TMEM145: variants seen among roughly 807,000 people sequenced by gnomAD.
TMEM145 encodes the protein transmembrane protein 145.
Under a neutral mutation model 68.5 loss-of-function variants are expected in TMEM145, and 46 were observed. That is an observed-to-expected ratio of 0.67 (90% confidence interval 0.53 to 0.86). The LOEUF (loss-of-function observed/expected upper bound fraction) is 0.86, where lower values mean the gene tolerates loss of function less well. Ranked by LOEUF, TMEM145 falls within the 40% of genes least tolerant of loss-of-function variation. TMEM145 has a pLI of 0.00. For missense variants in TMEM145, 570 were observed against 645.8 expected (o/e 0.88, Z 1.27); for synonymous variants, 255 against 280.2 (o/e 0.91, Z 0.90).
At chr19:42,318,475 C>T (rs2038881525) in intron 12 of TMEM145, among the ~76,000 whole-genome samples, 1 of 151,168 alleles carries the variant, frequency 6.6e-6, no homozygotes, top group African/African-American at 2.4e-5. Context: ...CACCTGAGGT[C>T]AGGAGTTCGA....
At chr19:42,316,609 TG>T (rs1280916431) in intron 9 of TMEM145, 48 bp downstream of exon 9, 1 of 1,613,406 alleles carries the variant, frequency 6.2e-7, no homozygotes, top group Non-Finnish European at 8.5e-7. Flanking sequence ...GGGCTCAGGT[TG>T]GGCATCAGGT....
rs751810337 is a variant in TMEM145 at position 42,314,279 on chromosome 19, T to A, written c.128T>A (p.Val43Glu). 55 of 1,613,740 alleles carry A rather than the reference T, an allele frequency of 3.4e-5. No homozygotes were observed. Among genetic ancestry groups the A allele is most frequent in the Non-Finnish European group, 4.4e-5 (52 of 1,179,964 alleles). The change falls in exon 2 of 15, where the codon GTG becomes GAG. Residue 43 changes from valine to glutamate, a missense_variant. Val to Glu is a moderately radical substitution (Grantham distance 121). Coordinates refer to ENST00000301204, the MANE Select transcript of TMEM145 (RefSeq NM_173633.3). ...RGNLSSKEDW[V>E]FLTRFCFLSD... Reference sequence around the variant, plus strand: ...ACTGGGCCCCTTTTTCAGGACTGGGTGTTCCTGACAAGATTTTGTTTCCTC... The same window carrying A: ...ACTGGGCCCCTTTTTCAGGACTGGGAGTTCCTGACAAGATTTTGTTTCCTC...
rs1568546199 is a variant in TMEM145 at position 42,314,521 on chromosome 19, G to C, written c.266G>C (p.Gly89Ala). Residue 89 changes from glycine (G) to alanine (A), a missense_variant, in exon 3 of 15, where the codon GGG becomes GCG. Transcript: ENST00000301204. ...CAGTGGCCAGCCGTGTACAAGGCAGGGGACAAGGTGAGGGCTGTGAAGAGG... is the reference window on the plus strand; with the variant it reads ...CAGTGGCCAGCCGTGTACAAGGCAGCGGACAAGGTGAGGGCTGTGAAGAGG... ...PSQWPAVYKA[G>A]DKDCLAKESV... 2 of 1,614,192 alleles carry C rather than the reference G, an allele frequency of 1.2e-6. No homozygotes were observed. The highest frequency in any genetic ancestry group is 1.7e-6 in the Non-Finnish European group (2 of 1,180,030).
In TMEM145 at chr19:42,324,771, C is replaced by T. The variant is rs767854618; in HGVS notation, c.1436C>T (p.Pro479Leu). ...LPRAAPDSGLPLFRDLRPPGP... is the reference protein window; with the variant it reads ...LPRAAPDSGLLLFRDLRPPGP... ...CGAGCGGCGCCGGATTCTGGGCTCC[C>T]GCTGTTCCGTGACCTCCGGCCCCCT... Residue 479 changes from proline to leucine, a missense_variant, in exon 15 of 15, where the codon CCG (proline) becomes CTG (leucine). By Grantham distance (98) the Pro-to-Leu change is moderately conservative. Transcript: ENST00000301204. The T allele has an allele frequency of 6.4e-7, 1 of 1,567,982 alleles. No homozygotes were observed.
In TMEM145 at chr19:42,316,780, G is replaced by A. The variant is rs374653624; in HGVS notation, c.806+40G>A. 29 of 1,579,778 alleles carry A rather than the reference G, an allele frequency of 1.8e-5. No individual in the cohort carries two copies. In the East Asian group the frequency reaches 4.5e-4, roughly 24 times the overall value. The stretch of plus-strand genomic sequence containing the variant: ...CGTGCTCGTGGGGCGGCTGGTGGGG[G>A]AGCAGGGCAGGGGCAGGGTTGGGGG... On this transcript the variant is annotated intron_variant, in intron 10 of 14. Coordinates refer to ENST00000301204, the MANE Select transcript of TMEM145 (RefSeq NM_173633.3).
At chr19:42,317,655 C>G in intron 11 of TMEM145, 54 bp from the exon 12 acceptor site, 1 of 1,600,182 alleles carries the variant, frequency 6.2e-7, no homozygotes, top group Admixed American at 1.7e-5. Flanking sequence ...GGTCCGGGGA[C>G]CCTAATAGAG....
chr19:42,316,739 C>T lies in TMEM145; in HGVS notation c.805C>T (p.Arg269Trp), dbSNP rs746350341. The change falls in exon 10 of 15, where the codon CGG (arginine) becomes TGG (tryptophan). Residue 269 changes from arginine to tryptophan, a missense_variant and splice_region_variant. Coordinates refer to ENST00000301204, the MANE Select transcript of TMEM145 (RefSeq NM_173633.3). ...CCTGGGGAAGGGATTCACGGTGACACGGTGCCCGGGCAGGGCGTGCTCGTG... is the reference window on the plus strand; with the variant it reads ...CCTGGGGAAGGGATTCACGGTGACATGGTGCCCGGGCAGGGCGTGCTCGTG... ...ILLGKGFTVT[R>W]GRISHAGSVK... is the part of the protein sequence containing the mutation. 7.1e-6 allele frequency: 10 copies of T among 1,401,580 alleles called. No homozygotes were observed. The highest frequency in any genetic ancestry group is 2.3e-5 in the South Asian group (2 of 88,166). The allele number at this position is 1,401,580 out of a possible 1,614,324, so 86.8% of individuals were successfully genotyped here. A position where few individuals can be genotyped will look rare whatever the true frequency, so the allele number is the denominator to read the frequency against.
chr19:42,324,064 G>C (rs560373851), intron 14 of TMEM145, among the ~76,000 whole-genome samples: 1,656 of 151,598 alleles, frequency 0.011, 44 homozygotes, highest in African/African-American at 0.038. Context: ...CCAGCTCCCC[G>C]GCCGCCGCCG....
rs371895728 is a variant in TMEM145 at position 42,324,329 on chromosome 19, G to A, written c.1402-408G>A. 1.0e-4 allele frequency: 99 copies of A among 985,180 alleles called. 5 individuals carry two copies. The South Asian group carries it at 4.3e-3, about 43-fold the overall frequency. 61.0% of individuals were successfully genotyped at this position (985,180 alleles called of 1,614,324 possible). On this transcript the variant is annotated intron_variant, in intron 14 of 14. Coordinates refer to ENST00000301204, the MANE Select transcript of TMEM145 (RefSeq NM_173633.3). ...GGTGGCGGCGGCGGTGGCCCCGAGG[G>A]GCCGCGTGGTGACCATGGCCGAGCC...
chr19:42,322,966 G>A (rs2038925321), intron 13 of TMEM145, among the ~76,000 whole-genome samples: 1 of 152,186 alleles, frequency 6.6e-6, no homozygotes, highest in Admixed American at 6.5e-5. Flanking sequence ...CTCCCCAAGT[G>A]CTGGGATTAC....
chr19:42,319,928 T>A (rs2038895800), intron 12 of TMEM145, among the ~76,000 whole-genome samples: 1 of 151,826 alleles, frequency 6.6e-6, no homozygotes, highest in Admixed American at 6.6e-5. Context: ...CCCAGCTAAT[T>A]TTGTATTTTT....
At chr19:42,317,071 G>T in intron 11 of TMEM145, 108 bp downstream of exon 11, 4 of 907,990 alleles carry the variant, frequency 4.4e-6, no homozygotes, top group East Asian at 2.6e-5. Flanking sequence ...CTGCTGGCTC[G>T]CTCTCTCTCC....
chr19:42,314,209 G>A, intron 1 of TMEM145, 63 bp from the exon 2 acceptor site: 1 of 1,584,810 alleles, frequency 6.3e-7, no homozygotes, highest in East Asian at 2.2e-5. Context: ...AAAAGTTGGG[G>A]GTCTATGGAG....
In TMEM145 at chr19:42,315,283, G is replaced by A. The variant is rs371962872; in HGVS notation, c.577+24G>A. ...ATGTGAGTCTGGCACATGGGGTGTG[G>A]GGGAAGAGATAGGAGGGAGCAGGGT... is the stretch of plus-strand genomic sequence containing the variant. On this transcript the variant is annotated intron_variant, in intron 7 of 14. Coordinates refer to ENST00000301204, the MANE Select transcript of TMEM145 (RefSeq NM_173633.3). 3.2e-5 allele frequency: 51 copies of A among 1,612,730 alleles called. No homozygotes were observed. In the African/African-American group the frequency reaches 6.1e-4, roughly 19 times the overall value.
intron 1 of TMEM145, among the ~76,000 whole-genome samples, 181 bp from the exon 2 acceptor site, chr19:42,314,091 G>C (rs1278019916): frequency 6.6e-6 from 1 of 152,006 alleles, no homozygotes; most frequent in East Asian, 1.9e-4. Flanking sequence ...GAGAAAATCA[G>C]GGCGGCAGGA....
At chr19:42,315,507 T>A in intron 8 of TMEM145, 67 bp downstream of exon 8, 1 of 1,538,128 alleles carries the variant, frequency 6.5e-7, no homozygotes, top group Non-Finnish European at 9.0e-7. Context: ...CACCTGGGCC[T>A]AAGAGGAATG....
chr19:42,314,068 G>A (rs1338576505), intron 1 of TMEM145, among the ~76,000 whole-genome samples: 4 of 152,102 alleles, frequency 2.6e-5, no homozygotes, highest in Middle Eastern at 3.4e-3. Flanking sequence ...GAAACTTGGG[G>A]GGGCAATGGA....
intron 13 of TMEM145, 126 bp from the exon 14 acceptor site, chr19:42,323,456 CA>C (rs1386904133): frequency 1.2e-6 from 1 of 869,374 alleles, no homozygotes; most frequent in Non-Finnish European, 1.8e-6. Context: ...ACGCCTAATC[CA>C]GTGTGAATGG....
intron 14 of TMEM145, chr19:42,324,260 C>A (rs1056408639): frequency 2.0e-6 from 2 of 985,090 alleles, no homozygotes; most frequent in South Asian, 4.7e-5. Context: ...CGGCCTCTGA[C>A]CCTGACCCCC....
Sources: gnomAD v4.1 joint callset for allele counts (sites outside exome capture counted in the v4.1 genomes callset) on GRCh38, gnomAD v4.1.1 for gene constraint, MANE v1.5 for transcripts, NCBI Gene and HGNC (gene_info 2026-07-23, HGNC 2026-07-21) for gene names.